DPP10: variants seen among roughly 807,000 people sequenced by gnomAD.
The protein encoded by DPP10 is inactive dipeptidyl peptidase 10.
A neutral mutation model predicts 120.9 loss-of-function variants in DPP10; 33 were observed. The ratio of observed to expected loss-of-function variants is 0.27; its 90% CI spans 0.21 to 0.37. The LOEUF is 0.37. Ranked by LOEUF, DPP10 falls within the 10% of genes least tolerant of loss-of-function variation. DPP10 has a pLI of 1.00. For synonymous variants in DPP10, 337 were observed against 326.1 expected (o/e 1.03, Z -0.36); for missense variants, 816 against 942.8 (o/e 0.87, Z 1.76).
intron 1 of DPP10, among the ~76,000 whole-genome samples, chr2:114,461,331 A>G (rs1678902237): frequency 6.6e-6 from 1 of 152,254 alleles, no homozygotes; most frequent in South Asian, 2.1e-4. Context: ...ACTCTTAACA[A>G]TGTTCCTTTT....
intron 3 of DPP10, among the ~76,000 whole-genome samples, chr2:115,383,698 T>G (rs550803406): frequency 2.6e-5 from 4 of 152,174 alleles, no homozygotes; most frequent in African/African-American, 9.6e-5. Flanking sequence ...TTTAATAATT[T>G]GATTTATAAT....
At chr2:115,348,765 C>CTG (rs1461615543) in intron 3 of DPP10, among the ~76,000 whole-genome samples, 2 of 152,070 alleles carry the variant, frequency 1.3e-5, no homozygotes, top group African/African-American at 4.8e-5. Flanking sequence ...AACATACCAT[C>CTG]ATGTAATGAG....
At chr2:115,095,575 T>G (rs922273978) in intron 1 of DPP10, among the ~76,000 whole-genome samples, 15 of 97,648 alleles carry the variant, frequency 1.5e-4, no homozygotes, top group South Asian at 3.3e-4. Context: ...TTCTGTTTGG[T>G]TTTTTTTTTG....
At chr2:115,738,111 C>A (rs977101084) in intron 8 of DPP10, among the ~76,000 whole-genome samples, 1 of 152,108 alleles carries the variant, frequency 6.6e-6, no homozygotes, top group Admixed American at 6.5e-5. Context: ...CATTCTTATC[C>A]TGTGTGTTGG....
Position 115,327,858 on chromosome 2 carries a change from A to G in DPP10, c.176-15959A>G, listed in dbSNP as rs115547140. On this transcript the variant is annotated intron_variant, in intron 2 of 25. Transcript: ENST00000410059. ...ATTTTTAAATTGAGGCTATATGGCCATAAAGAATATAATGACAATTGTTTG... is the reference window on the plus strand; with the variant it reads ...ATTTTTAAATTGAGGCTATATGGCCGTAAAGAATATAATGACAATTGTTTG... Among the ~76,000 whole-genome samples the G allele has an allele frequency of 4.8e-3, 730 of 152,208 alleles. 7 individuals carry two copies. Among genetic ancestry groups the G allele is most frequent in the South Asian group, 8.7e-3 (42 of 4,832 alleles).
At chr2:115,198,931 C>G (rs2055488610) in intron 1 of DPP10, among the ~76,000 whole-genome samples, 1 of 152,108 alleles carries the variant, frequency 6.6e-6, no homozygotes. Context: ...TCTTCTAATT[C>G]TTTGCCATGC....
intron 5 of DPP10, among the ~76,000 whole-genome samples, chr2:115,537,685 A>G (rs1464268186): frequency 6.6e-6 from 1 of 151,452 alleles, no homozygotes; most frequent in Non-Finnish European, 1.5e-5. Flanking sequence ...CTGGTCACCT[A>G]ATAATGACGC....
intron 4 of DPP10, among the ~76,000 whole-genome samples, chr2:115,503,423 T>G (rs1293143159): frequency 6.6e-6 from 1 of 152,172 alleles, no homozygotes; most frequent in Non-Finnish European, 1.5e-5. Context: ...ATTCAGTTTG[T>G]GTTTGAGTAA....
At chr2:115,206,140 A>G (rs921114472) in intron 1 of DPP10, among the ~76,000 whole-genome samples, 9 of 152,220 alleles carry the variant, frequency 5.9e-5, no homozygotes, top group African/African-American at 1.4e-4. Context: ...TGGTATGTAT[A>G]TATGAATCTG....
intron 1 of DPP10, among the ~76,000 whole-genome samples, chr2:114,762,605 G>A (rs1301198587): frequency 2.0e-5 from 3 of 152,312 alleles, no homozygotes; most frequent in Non-Finnish European, 4.4e-5. Flanking sequence ...TCAATAAGTA[G>A]CTCTTAAAAT....
chr2:114,801,852 A>C (rs1037947067), intron 1 of DPP10, among the ~76,000 whole-genome samples: 1 of 152,170 alleles, frequency 6.6e-6, no homozygotes, highest in African/African-American at 2.4e-5. Flanking sequence ...ATTCATGTAC[A>C]TGAAACTGCT....
chr2:114,630,541 A>C (rs1454234175), intron 1 of DPP10, among the ~76,000 whole-genome samples: 1 of 152,120 alleles, frequency 6.6e-6, no homozygotes, highest in East Asian at 1.9e-4. Context: ...ATTACGAAAG[A>C]TGTTATTAGG....
intron 5 of DPP10, chr2:115,580,309 G>A (rs1305798341): frequency 6.6e-6 from 1 of 152,086 alleles, no homozygotes; most frequent in Non-Finnish European, 1.5e-5. Flanking sequence ...AATCATTTTA[G>A]CAGCTTTAGA....
intron 11 of DPP10, 105 bp downstream of exon 11, chr2:115,753,402 CTT>C (rs1426867701): frequency 4.8e-6 from 5 of 1,042,272 alleles, no homozygotes; most frequent in Non-Finnish European, 5.3e-6. Context: ...CAGTGTTTAA[CTT>C]TTAAAACTAA....
At chr2:115,237,104 C>T (rs2058043552) in intron 1 of DPP10, among the ~76,000 whole-genome samples, 1 of 151,912 alleles carries the variant, frequency 6.6e-6, no homozygotes, top group Admixed American at 6.6e-5. Flanking sequence ...TTTTATTGTA[C>T]TTTGTGTTAT....
rs142267800 is a variant in DPP10, at chr2:114,848,121, G to A, written c.60+405283G>A. Among the ~76,000 whole-genome samples the A allele has an allele frequency of 3.5e-3, 534 of 152,272 alleles. 1 individual carries two copies. Among genetic ancestry groups the A allele is most frequent in the Non-Finnish European group, 5.8e-3 (392 of 68,018 alleles). On this transcript the variant is annotated intron_variant, in intron 1 of 25. Transcript: ENST00000410059. Reference sequence around the variant, plus strand: ...TGAAACTGATTTGGAGCTGTTTAAGGATGGCCCGAGTTTATAAAACAGAAC... The same window carrying A: ...TGAAACTGATTTGGAGCTGTTTAAGAATGGCCCGAGTTTATAAAACAGAAC...
Position 115,317,018 on chromosome 2 carries a change from G to A in DPP10, c.175+7665G>A, listed in dbSNP as rs943555304. On this transcript the variant is annotated intron_variant, in intron 2 of 25. Coordinates refer to ENST00000410059, the MANE Select transcript of DPP10 (RefSeq NM_020868.6). ...AGGAGGCAGGAGGATTGCTTGAGACGGAGAAGTTGAGGCTGTAGTGAGCCA... is the reference window on the plus strand; with the variant it reads ...AGGAGGCAGGAGGATTGCTTGAGACAGAGAAGTTGAGGCTGTAGTGAGCCA... 9.9e-5 allele frequency among the ~76,000 whole-genome samples: 15 copies of A among 152,116 alleles called. No individual in the cohort carries two copies. In the East Asian group the frequency reaches 1.9e-3, roughly 20 times the overall value.
At chr2:114,913,306 C>G (rs902037480) in intron 1 of DPP10, among the ~76,000 whole-genome samples, 4 of 152,178 alleles carry the variant, frequency 2.6e-5, no homozygotes, top group Non-Finnish European at 1.5e-5. Flanking sequence ...CCTGCCATCA[C>G]CTACCACCCC....
At chr2:115,437,601 G>C (rs544360150) in intron 3 of DPP10, among the ~76,000 whole-genome samples, 7 of 152,034 alleles carry the variant, frequency 4.6e-5, no homozygotes, top group Non-Finnish European at 1.0e-4. Flanking sequence ...GTGGTGCTTT[G>C]AAAATTGAAA....
Sources: gnomAD v4.1 joint callset for allele counts (sites outside exome capture counted in the v4.1 genomes callset) on GRCh38, gnomAD v4.1.1 for gene constraint, MANE v1.5 for transcripts, NCBI Gene and HGNC (gene_info 2026-07-23, HGNC 2026-07-21) for gene names.